Variants in STARD8 observed in about 807,000 individuals in gnomAD.
STARD8 encodes the protein StAR related lipid transfer domain containing 8.
Under a neutral mutation model 69.4 loss-of-function variants are expected in STARD8, and 25 were observed. The ratio of observed to expected loss-of-function variants is 0.36; its 90% CI spans 0.26 to 0.50. The LOEUF is 0.50. Among genes scored for constraint, STARD8 ranks in the 20% least tolerant of loss-of-function variants. STARD8 has a pLI of 0.96. For missense variants in STARD8, 921 were observed against 932.5 expected (o/e 0.99, Z 0.16); for synonymous variants, 389 against 374.6 (o/e 1.04, Z -0.45).
chrX:68,718,311 C>T lies in STARD8; in HGVS notation c.1397C>T (p.Ala466Val). 2 of 1,210,714 alleles carry T rather than the reference C, an allele frequency of 1.7e-6. No individual in the cohort carries two copies. The highest frequency in any genetic ancestry group is 2.2e-6 in the Non-Finnish European group (2 of 895,007). ...GCTGAAGTCCAGCCAGCAGTCCTGG[C>T]TCCGGCTCAGGCTCCAGCTGAGGCT... The part of the protein sequence containing the change: ...AQAEVQPAVL[A>V]PAQAPAEAEP... Residue 466 changes from alanine (A) to valine (V), a missense_variant, in exon 6 of 15, where the codon GCT becomes GTT. Transcript: ENST00000374599.
rs141675856 is a variant in STARD8, at chrX:68,671,130, C to T, written c.79+5598C>T. ...TCATTTCCTACCTTTGGTCAAAGTCCAACTTCTTTGCTCTGGCATTCAAGG... is the reference window on the plus strand; with the variant it reads ...TCATTTCCTACCTTTGGTCAAAGTCTAACTTCTTTGCTCTGGCATTCAAGG... On this transcript the variant is annotated intron_variant, in intron 2 of 14. Coordinates refer to ENST00000374599, the MANE Select transcript of STARD8 (RefSeq NM_001142503.3). 4.0e-3 allele frequency among the ~76,000 whole-genome samples: 447 copies of T among 112,544 alleles called. 3 individuals are homozygous for T. Among genetic ancestry groups the T allele is most frequent in the African/African-American group, 0.014 (431 of 31,005 alleles).
chrX:68,692,727 C>T (rs1313630625), intron 2 of STARD8, among the ~76,000 whole-genome samples: 1 of 112,649 alleles, frequency 8.9e-6, no homozygotes, highest in Non-Finnish European at 1.9e-5. Context: ...AGCATGGTGG[C>T]ACACACCTGT....
chrX:68,710,568 C>T (rs762089178), intron 2 of STARD8, among the ~76,000 whole-genome samples: 3 of 111,980 alleles, frequency 2.7e-5, no homozygotes, highest in East Asian at 2.8e-4. Flanking sequence ...TTGGCATTGA[C>T]CTGAGTGAGA....
chrX:68,650,247 C>A (rs927354016), intron 1 of STARD8, among the ~76,000 whole-genome samples: 6 of 105,663 alleles, frequency 5.7e-5, no homozygotes, highest in Non-Finnish European at 1.2e-4. Flanking sequence ...AATAATGAGA[C>A]CCTTTATGAA....
At chrX:68,687,715 T>G (rs967212256) in intron 2 of STARD8, among the ~76,000 whole-genome samples, 1 of 111,892 alleles carries the variant, frequency 8.9e-6, no homozygotes, top group East Asian at 2.8e-4. Flanking sequence ...GAAGCCAGAG[T>G]GACAGTTGCC....
At chrX:68,689,369 G>A (rs1340540445) in intron 2 of STARD8, among the ~76,000 whole-genome samples, 38 of 111,611 alleles carry the variant, frequency 3.4e-4, no homozygotes, top group Non-Finnish European at 5.9e-4. Context: ...AGGTCAGTCC[G>A]GAGACCCATC....
chrX:68,709,362 A>G (rs776351406), intron 2 of STARD8, among the ~76,000 whole-genome samples: 1 of 112,630 alleles, frequency 8.9e-6, no homozygotes, highest in African/African-American at 3.2e-5. Context: ...AGGGGAACGC[A>G]GCAGCTGGGC....
intron 2 of STARD8, among the ~76,000 whole-genome samples, chrX:68,673,220 T>C (rs2079740899): frequency 8.9e-6 from 1 of 111,879 alleles, no homozygotes; most frequent in African/African-American, 3.3e-5. Context: ...TCCCTGAGGA[T>C]GACCGAAGTA....
chrX:68,679,315 C>T (rs188180022), intron 2 of STARD8, among the ~76,000 whole-genome samples: 49 of 111,612 alleles, frequency 4.4e-4, no homozygotes, highest in Admixed American at 1.3e-3. Context: ...AGACTCCTGG[C>T]TCAGTGTTCC....
chrX:68,701,561 C>G (rs1602589281), intron 2 of STARD8, among the ~76,000 whole-genome samples: 1 of 112,938 alleles, frequency 8.9e-6, no homozygotes, highest in East Asian at 2.8e-4. Context: ...CACCCTCCAT[C>G]ACCAAGGTGG....
At position 68,688,943 on chromosome X, in the gene STARD8, A is replaced by G. The variant is rs2079854585; in HGVS notation, c.79+23411A>G. On this transcript the variant is annotated intron_variant, in intron 2 of 14. Coordinates refer to ENST00000374599, the MANE Select transcript of STARD8 (RefSeq NM_001142503.3). ...GCTCACAGAAGCAGAGCGTTCTGGA[A>G]GGAAGGGACCCTAGAACCAGGGCCC... is the stretch of plus-strand genomic sequence containing the variant. 2.8e-5 allele frequency among the ~76,000 whole-genome samples: 3 copies of G among 107,308 alleles called. No homozygotes were observed. In the South Asian group the frequency reaches 1.3e-3, roughly 45 times the overall value. 93.2% of individuals were successfully genotyped at this position (107,308 alleles called of 115,157 possible).
rs759671106 is a variant in STARD8, at chrX:68,722,339, A to G, written c.2575-83A>G. On this transcript the variant is annotated intron_variant, in intron 11 of 14. Coordinates refer to ENST00000374599, the MANE Select transcript of STARD8 (RefSeq NM_001142503.3). Reference sequence around the variant, plus strand: ...CTTGCTGTGGTAGCTGCACCTCTCCACTGCCCTTAACGTGAACCTGACAGA... The same window carrying G: ...CTTGCTGTGGTAGCTGCACCTCTCCGCTGCCCTTAACGTGAACCTGACAGA... 3.0e-5 allele frequency: 28 copies of G among 940,702 alleles called. No individual in the cohort carries two copies. In the Admixed American group the frequency reaches 8.2e-4, roughly 27 times the overall value. The allele number at this position is 940,702 out of a possible 1,213,427, so 77.5% of individuals were successfully genotyped here. A position where few individuals can be genotyped will look rare whatever the true frequency, so the allele number is the denominator to read the frequency against.
intron 4 of STARD8, among the ~76,000 whole-genome samples, chrX:68,715,919 C>T (rs1370901444): frequency 8.9e-6 from 1 of 112,624 alleles, no homozygotes. Flanking sequence ...CGAGCTGGCT[C>T]ATTAGCCTTA....
At chrX:68,689,831 C>T (rs1318455995) in intron 2 of STARD8, among the ~76,000 whole-genome samples, 1 of 110,520 alleles carries the variant, frequency 9.0e-6, no homozygotes, top group Non-Finnish European at 1.9e-5. Context: ...AGCTTTCTGT[C>T]CTCTGTCCAC....
At chrX:68,653,384 CACACACA>C in intron 1 of STARD8, among the ~76,000 whole-genome samples, 1 of 52,249 alleles carries the variant, frequency 1.9e-5, no homozygotes. Context: ...CCACACCACA[CACACACA>C]CCCCACACAC....
At position 68,723,878 on chromosome X, in the gene STARD8, G is replaced by C. The variant is rs755288772; in HGVS notation, c.3017+35G>C. 6.6e-6 allele frequency: 8 copies of C among 1,205,603 alleles called. No individual in the cohort carries two copies. The South Asian group carries it at 1.3e-4, about 19-fold the overall frequency. ...TGCAGCTGCTACCCTTCTGTGCTTGGGGGGCCGGAGAAGTGGGGTGGAAAC... is the reference window on the plus strand; with the variant it reads ...TGCAGCTGCTACCCTTCTGTGCTTGCGGGGCCGGAGAAGTGGGGTGGAAAC... On this transcript the variant is annotated intron_variant, in intron 13 of 14. Coordinates refer to ENST00000374599, the MANE Select transcript of STARD8 (RefSeq NM_001142503.3).
intron 2 of STARD8, among the ~76,000 whole-genome samples, chrX:68,668,853 C>A (rs764470932): frequency 2.7e-5 from 3 of 112,002 alleles, no homozygotes; most frequent in Non-Finnish European, 5.6e-5. Context: ...TAAATAATAA[C>A]CTCACCCTAA....
chrX:68,712,733 C>T (rs2080060710), intron 2 of STARD8, among the ~76,000 whole-genome samples, 181 bp from the exon 3 acceptor site: 2 of 111,978 alleles, frequency 1.8e-5, no homozygotes, highest in South Asian at 7.4e-4. Flanking sequence ...CAGAGGGCCT[C>T]CTGGCTGGCT....
chrX:68,718,677 T>G (rs756717850), intron 6 of STARD8, 48 bp downstream of exon 6: 1 of 1,120,380 alleles, frequency 8.9e-7, no homozygotes, highest in Non-Finnish European at 1.2e-6. Flanking sequence ...TCCTGTTCTC[T>G]CTCTGTCTCT....
Sources: allele counts gnomAD v4.1 joint callset (sites outside exome capture counted in the v4.1 genomes callset), GRCh38; gene constraint gnomAD v4.1.1; transcripts MANE v1.5; gene names NCBI Gene and HGNC (gene_info 2026-07-23, HGNC 2026-07-21).